KCNJ16: variants seen among roughly 807,000 people sequenced by gnomAD.
KCNJ16 encodes the protein potassium inwardly rectifying channel subfamily J member 16, also known as inward rectifier potassium channel 16.
In KCNJ16, 15 loss-of-function variants were observed where a neutral mutation model predicts 18.5. The ratio of observed to expected loss-of-function variants is 0.81; its 90% CI spans 0.54 to 1.25. The LOEUF (loss-of-function observed/expected upper bound fraction) is 1.25. KCNJ16 is among the 50% of genes most tolerant of loss of function. The pLI, the probability that KCNJ16 is intolerant of heterozygous loss-of-function variation, is 0.00. For synonymous variants in KCNJ16, 174 were observed against 186.5 expected (o/e 0.93, Z 0.55); for missense variants, 523 against 525.7 (o/e 0.99, Z 0.05).
At chr17:70,098,596 T>C (rs1475545432) in intron 1 of KCNJ16, among the ~76,000 whole-genome samples, 2 of 151,918 alleles carry the variant, frequency 1.3e-5, no homozygotes, top group Non-Finnish European at 2.9e-5. Flanking sequence ...CGTGTGTGTG[T>C]GCATATAGAT....
chr17:70,079,672 C>T (rs897077954), intron 1 of KCNJ16, among the ~76,000 whole-genome samples: 6 of 151,954 alleles, frequency 3.9e-5, no homozygotes, highest in African/African-American at 1.5e-4. Flanking sequence ...ATAGAAGCAT[C>T]CATTAATTTA....
At chr17:70,093,760 T>C (rs2072229796) in intron 1 of KCNJ16, among the ~76,000 whole-genome samples, 1 of 152,146 alleles carries the variant, frequency 6.6e-6, no homozygotes, top group South Asian at 2.1e-4. Context: ...ATGGCCATTA[T>C]TGGGAGGTAA....
At chr17:70,120,158 C>G (rs772459156) in intron 2 of KCNJ16, among the ~76,000 whole-genome samples, 2 of 152,206 alleles carry the variant, frequency 1.3e-5, no homozygotes, top group Non-Finnish European at 2.9e-5. Context: ...CAGCCAAGTT[C>G]ATGCATGAGT....
intron 2 of KCNJ16, chr17:70,108,201 G>C (rs1483408983): frequency 1.3e-5 from 2 of 152,292 alleles, no homozygotes; most frequent in East Asian, 3.9e-4. Context: ...CTAGATCACA[G>C]TACAGGGAAC....
intron 1 of KCNJ16, among the ~76,000 whole-genome samples, chr17:70,077,998 T>C (rs1388090150): frequency 3.3e-5 from 5 of 152,236 alleles, no homozygotes; most frequent in Admixed American, 6.5e-5. Context: ...TTTATCATCA[T>C]GCTTTAGGGC....
intron 1 of KCNJ16, among the ~76,000 whole-genome samples, chr17:70,088,426 G>A (rs754730898): frequency 2.9e-4 from 44 of 152,192 alleles, no homozygotes; most frequent in Non-Finnish European, 6.0e-4. Flanking sequence ...GCTGTTCACC[G>A]CCTGCTGTGC....
chr17:70,131,159 C>T (rs1330267253), intron 3 of KCNJ16, among the ~76,000 whole-genome samples, 184 bp downstream of exon 3: 1 of 140,668 alleles, frequency 7.1e-6, no homozygotes, highest in Non-Finnish European at 1.5e-5. Context: ...ATTTTTGGGA[C>T]TCTATTCAGA....
intron 1 of KCNJ16, among the ~76,000 whole-genome samples, chr17:70,091,123 A>T (rs1368887654): frequency 6.6e-6 from 1 of 152,108 alleles, no homozygotes; most frequent in African/African-American, 2.4e-5. Context: ...GTGATAGCCC[A>T]ATCTACCCTT....
At chr17:70,075,582 C>T (rs2071269991) in intron 1 of KCNJ16, among the ~76,000 whole-genome samples, 192 bp downstream of exon 1, 1 of 152,040 alleles carries the variant, frequency 6.6e-6, no homozygotes, top group South Asian at 2.1e-4. Flanking sequence ...TGTCATATTC[C>T]TTAAGTTATT....
intron 2 of KCNJ16, among the ~76,000 whole-genome samples, chr17:70,124,917 T>C (rs879606161): frequency 6.6e-6 from 1 of 152,044 alleles, no homozygotes; most frequent in Admixed American, 6.6e-5. Flanking sequence ...TGTGTTCAGA[T>C]ATGGGTGTTG....
intron 1 of KCNJ16, among the ~76,000 whole-genome samples, chr17:70,083,809 C>T (rs545354894): frequency 6.6e-6 from 1 of 152,252 alleles, no homozygotes; most frequent in African/African-American, 2.4e-5. Context: ...CTGTATCTGG[C>T]ACTGGAGTCT....
chr17:70,117,810 G>A (rs574449743), intron 2 of KCNJ16, among the ~76,000 whole-genome samples: 80 of 152,244 alleles, frequency 5.3e-4, no homozygotes, highest in African/African-American at 1.9e-3. Context: ...CATGGCCCTC[G>A]TGGAGCTTAC....
At chr17:70,097,669 C>A (rs2072441629) in intron 1 of KCNJ16, among the ~76,000 whole-genome samples, 1 of 152,124 alleles carries the variant, frequency 6.6e-6, no homozygotes, top group South Asian at 2.1e-4. Flanking sequence ...GTCTCCTTTA[C>A]CCACTACCCC....
intron 2 of KCNJ16, among the ~76,000 whole-genome samples, chr17:70,119,328 G>A (rs761030114): frequency 1.3e-5 from 2 of 152,220 alleles, no homozygotes; most frequent in Non-Finnish European, 2.9e-5. Context: ...CTGGAGGATG[G>A]TGACCCTTTG....
chr17:70,080,134 T>C (rs1187339579), intron 1 of KCNJ16, among the ~76,000 whole-genome samples: 1 of 152,202 alleles, frequency 6.6e-6, no homozygotes, highest in Non-Finnish European at 1.5e-5. Flanking sequence ...TCTAATGACA[T>C]TGCTTCCTCT....
chr17:70,107,320 G>A (rs2072976551), intron 2 of KCNJ16, among the ~76,000 whole-genome samples: 1 of 152,122 alleles, frequency 6.6e-6, no homozygotes, highest in African/African-American at 2.4e-5. Flanking sequence ...GTCATGATAA[G>A]AACCTAATAA....
At chr17:70,083,117 C>T (rs114166936) in intron 1 of KCNJ16, among the ~76,000 whole-genome samples, 3,321 of 151,104 alleles carry the variant, frequency 0.022, 114 homozygotes, top group African/African-American at 0.076. Flanking sequence ...TGCAGTGGCA[C>T]GATCTCAGCT....
intron 1 of KCNJ16, among the ~76,000 whole-genome samples, chr17:70,076,220 A>G (rs2071302085): frequency 6.6e-6 from 1 of 152,166 alleles, no homozygotes; most frequent in African/African-American, 2.4e-5. Flanking sequence ...TCTGCTAAAT[A>G]TTACTCTTAT....
chr17:70,080,069 A>T (rs910940259), intron 1 of KCNJ16, among the ~76,000 whole-genome samples: 1 of 152,168 alleles, frequency 6.6e-6, no homozygotes, highest in African/African-American at 2.4e-5. Context: ...AGATTTTTTT[A>T]AATTGAGGTA....
Sources: gnomAD v4.1 joint callset for allele counts (sites outside exome capture counted in the v4.1 genomes callset) on GRCh38, gnomAD v4.1.1 for gene constraint, MANE v1.5 for transcripts, NCBI Gene and HGNC (gene_info 2026-07-23, HGNC 2026-07-21) for gene names.